The following MGMT variants were observed in gnomAD, a reference collection of about 807,000 sequenced individuals.
MGMT encodes O-6-methylguanine-DNA methyltransferase.
In MGMT, 14 loss-of-function variants were observed where a neutral mutation model predicts 15.9. The ratio of observed to expected loss-of-function variants is 0.88; its 90% CI spans 0.58 to 1.37. The LOEUF is 1.37. Ranked by LOEUF, MGMT falls within the 40% of genes most tolerant of loss-of-function variation. MGMT has a pLI of 0.00. For synonymous variants in MGMT, 130 were observed against 118.2 expected (o/e 1.10, Z -0.65); for missense variants, 282 against 268.1 (o/e 1.05, Z -0.36).
chr10:129,627,934 T>C (rs1372061348), intron 2 of MGMT, among the ~76,000 whole-genome samples: 1 of 152,244 alleles, frequency 6.6e-6, no homozygotes, highest in African/African-American at 2.4e-5. Context: ...TGTTGTGTCC[T>C]GAGTTAGCCT....
At chr10:129,624,105 T>G (rs2133077648) in intron 2 of MGMT, among the ~76,000 whole-genome samples, 1 of 152,396 alleles carries the variant, frequency 6.6e-6, no homozygotes. Context: ...CCTGCGCGAA[T>G]CTTCTTGCCC....
At chr10:129,719,519 A>C (rs1848343350) in intron 3 of MGMT, among the ~76,000 whole-genome samples, 1 of 152,134 alleles carries the variant, frequency 6.6e-6, no homozygotes, top group East Asian at 1.9e-4. Context: ...TCAGCTACTC[A>C]GACCAAGGTG....
intron 1 of MGMT, among the ~76,000 whole-genome samples, chr10:129,526,642 C>T (rs998384744): frequency 2.0e-5 from 3 of 152,178 alleles, no homozygotes; most frequent in South Asian, 2.1e-4. Flanking sequence ...CGCAGGTGCA[C>T]GTCACCACAC....
intron 2 of MGMT, among the ~76,000 whole-genome samples, chr10:129,564,688 CTCCTCTCCTTCCTCCTCT>C (rs1425113368): frequency 7.2e-6 from 1 of 139,766 alleles, no homozygotes. Flanking sequence ...CTTCCTCCTC[CTCCTCTCCTTCCTCCTCT>C]TCCTCCTCCT....
intron 2 of MGMT, among the ~76,000 whole-genome samples, chr10:129,687,615 T>C (rs191400283): frequency 2.6e-5 from 4 of 152,208 alleles, no homozygotes; most frequent in African/African-American, 9.6e-5. Flanking sequence ...TTACTCCATA[T>C]TGCTTTGTTT....
chr10:129,598,138 TGAG>T (rs1846773444), intron 2 of MGMT, among the ~76,000 whole-genome samples: 1 of 152,172 alleles, frequency 6.6e-6, no homozygotes, highest in African/African-American at 2.4e-5. Flanking sequence ...GCAAGGAAGA[TGAG>T]GACCCTGTTC....
intron 2 of MGMT, among the ~76,000 whole-genome samples, chr10:129,661,893 G>A (rs1250272253): frequency 6.6e-6 from 1 of 152,100 alleles, no homozygotes; most frequent in Admixed American, 6.6e-5. Flanking sequence ...TACATAGATG[G>A]TTTTGCTACA....
intron 3 of MGMT, among the ~76,000 whole-genome samples, chr10:129,710,104 CT>C (rs1239788644): frequency 1.3e-5 from 2 of 152,226 alleles, no homozygotes; most frequent in African/African-American, 4.8e-5. Context: ...ACACCTACCC[CT>C]GCCTCCCTGG....
At chr10:129,606,764 C>T (rs1263038253) in intron 2 of MGMT, among the ~76,000 whole-genome samples, 1 of 152,084 alleles carries the variant, frequency 6.6e-6, no homozygotes, top group Non-Finnish European at 1.5e-5. Context: ...ATAATAATGG[C>T]AGCAATTTAA....
At position 129,533,653 on chromosome 10, in the gene MGMT, G is replaced by A. The variant is rs761954936; in HGVS notation, c.-12-2588G>A. Among the ~76,000 whole-genome samples, 1 of 152,138 alleles carries A rather than the reference G, an allele frequency of 6.6e-6. No individual in the cohort carries two copies. On this transcript the variant is annotated intron_variant, in intron 1 of 4. Coordinates refer to ENST00000651593, the MANE Select transcript of MGMT (RefSeq NM_002412.5). This position sits in a 1 kb window ranked among gnomAD's most constrained non-coding sequence, Gnocchi z 4.5. ...TACTTTGGGAAATGATCTCATGGAC[G>A]CTTGGCCTGGATGGTGGTCACACTG...
At chr10:129,651,149 GCATGCTCCCTGCAGCCCTTGGC>G (rs1847453020) in intron 2 of MGMT, among the ~76,000 whole-genome samples, 1 of 152,138 alleles carries the variant, frequency 6.6e-6, no homozygotes, top group Admixed American at 6.5e-5. Flanking sequence ...CATCTCCTCG[GCATGCTCCCTGCAGCCCTTGGC>G]CTGTGTCCAG....
chr10:129,654,970 AAT>A (rs1370676463), intron 2 of MGMT, among the ~76,000 whole-genome samples: 2 of 152,208 alleles, frequency 1.3e-5, no homozygotes, highest in Non-Finnish European at 2.9e-5. Flanking sequence ...GGTCTTTGCA[AAT>A]TCCTTGCATC....
At chr10:129,630,301 C>T (rs996627936) in intron 2 of MGMT, among the ~76,000 whole-genome samples, 1 of 152,164 alleles carries the variant, frequency 6.6e-6, no homozygotes, top group Non-Finnish European at 1.5e-5. Context: ...GGCTTGTCTG[C>T]CTAGAGATTC....
At position 129,766,389 on chromosome 10, in the gene MGMT, G is replaced by T. The variant is rs114108518; in HGVS notation, c.415-399G>T. ...CTGATGCGTCCTGTGATGCCTGCGTGGTACCTGGGGAGTGTTTGAGAGCGT... is the reference window on the plus strand; with the variant it reads ...CTGATGCGTCCTGTGATGCCTGCGTTGTACCTGGGGAGTGTTTGAGAGCGT... On this transcript the variant is annotated intron_variant, in intron 4 of 4. Coordinates refer to ENST00000651593, the MANE Select transcript of MGMT (RefSeq NM_002412.5). Among the ~76,000 whole-genome samples, 495 of 152,316 alleles carry T rather than the reference G, an allele frequency of 3.2e-3. 4 individuals are homozygous for T. The highest frequency in any genetic ancestry group is 0.011 in the African/African-American group (465 of 41,566).
At chr10:129,694,410 T>TA (rs1274372886) in intron 2 of MGMT, 2 of 152,174 alleles carry the variant, frequency 1.3e-5, no homozygotes, top group African/African-American at 4.8e-5. Context: ...GCATGGAGCT[T>TA]ACGGTCCACA....
intron 2 of MGMT, among the ~76,000 whole-genome samples, chr10:129,672,694 T>C (rs1371407400): frequency 6.6e-6 from 1 of 152,220 alleles, no homozygotes; most frequent in African/African-American, 2.4e-5. Context: ...AAATAGTTGG[T>C]GATTCTTTCC....
intron 1 of MGMT, among the ~76,000 whole-genome samples, chr10:129,480,756 C>T (rs1190093974): frequency 1.3e-5 from 2 of 152,222 alleles, no homozygotes; most frequent in East Asian, 3.9e-4. Flanking sequence ...TTATCATCAG[C>T]AGCAGATACT....
intron 1 of MGMT, among the ~76,000 whole-genome samples, chr10:129,499,860 A>T (rs941123814): frequency 9.8e-5 from 15 of 152,334 alleles, no homozygotes; most frequent in African/African-American, 3.1e-4. Flanking sequence ...AAGACTGTGA[A>T]GTAGCTGACG....
intron 3 of MGMT, among the ~76,000 whole-genome samples, chr10:129,739,776 TA>T (rs1366069669): frequency 1.3e-5 from 2 of 152,188 alleles, no homozygotes; most frequent in African/African-American, 4.8e-5. Context: ...TGAGTTTTTT[TA>T]TGATTTTTTT....
Sources: allele counts gnomAD v4.1 joint callset (sites outside exome capture counted in the v4.1 genomes callset), GRCh38; gene constraint gnomAD v4.1.1; non-coding constraint Gnocchi (gnomAD v3.1); transcripts MANE v1.5; gene names NCBI Gene and HGNC (gene_info 2026-07-23, HGNC 2026-07-21).